The following STPG2 variants were observed in gnomAD, a reference collection of about 807,000 sequenced individuals.
The protein encoded by STPG2 is sperm tail PG-rich repeat containing 2, also known as sperm-tail PG-rich repeat-containing protein 2.
A neutral mutation model predicts 54.2 loss-of-function variants in STPG2; 56 were observed. The ratio of observed to expected loss-of-function variants is 1.03; its 90% confidence interval spans 0.83 to 1.29. STPG2 has a LOEUF of 1.29. STPG2 is among the 50% of genes most tolerant of loss of function. The pLI is 0.00. For missense variants in STPG2, 596 were observed against 544.9 expected (o/e 1.09, Z -0.93); for synonymous variants, 200 against 181.8 (o/e 1.10, Z -0.81).
chr4:98,011,670 G>A (rs571096784), intron 5 of STPG2, among the ~76,000 whole-genome samples: 18 of 152,252 alleles, frequency 1.2e-4, no homozygotes, highest in Non-Finnish European at 2.1e-4. Context: ...GCATAAGATG[G>A]TATCTCATTG....
At chr4:97,513,922 AATT>A (rs1450635326) in intron 4 of STPG2, among the ~76,000 whole-genome samples, 1 of 152,160 alleles carries the variant, frequency 6.6e-6, no homozygotes, top group Non-Finnish European at 1.5e-5. Context: ...GAATTGAGGA[AATT>A]ATTAACAGTG....
chr4:97,448,831 T>C (rs1422164931), intron 4 of STPG2, among the ~76,000 whole-genome samples: 1 of 152,154 alleles, frequency 6.6e-6, no homozygotes, highest in Non-Finnish European at 1.5e-5. Flanking sequence ...AAGAAAGAAT[T>C]TGGCAGAGTT....
chr4:97,914,249 G>GT (rs995110030), intron 8 of STPG2, among the ~76,000 whole-genome samples: 2 of 151,918 alleles, frequency 1.3e-5, no homozygotes, highest in African/African-American at 4.8e-5. Flanking sequence ...TTCTTTTAAG[G>GT]TAAACACAAC....
chr4:97,704,652 C>T (rs1560728253), intron 10 of STPG2, among the ~76,000 whole-genome samples: 1 of 152,150 alleles, frequency 6.6e-6, no homozygotes, highest in Non-Finnish European at 1.5e-5. Flanking sequence ...TGTGCCATGA[C>T]CTTTACAATT....
At chr4:97,562,292 G>A (rs1011280314) in intron 10 of STPG2, among the ~76,000 whole-genome samples, 1 of 152,136 alleles carries the variant, frequency 6.6e-6, no homozygotes, top group Non-Finnish European at 1.5e-5. Context: ...CATTGATTTT[G>A]TATCCTGAGA....
At chr4:97,565,845 T>TG (rs138972348) in intron 10 of STPG2, among the ~76,000 whole-genome samples, 71,459 of 151,790 alleles carry the variant, frequency 0.47, 17,654 homozygotes, top group South Asian at 0.63. Context: ...CTGCCGCTAC[T>TG]GGGGGGTGCC....
At chr4:97,875,322 G>A (rs550056450) in intron 8 of STPG2, among the ~76,000 whole-genome samples, 6 of 151,258 alleles carry the variant, frequency 4.0e-5, no homozygotes, top group East Asian at 1.9e-4. Flanking sequence ...ATATACTTAC[G>A]TATATTGCAA....
At chr4:97,456,314 G>T (rs1423072493) in intron 4 of STPG2, among the ~76,000 whole-genome samples, 1 of 151,988 alleles carries the variant, frequency 6.6e-6, no homozygotes, top group East Asian at 1.9e-4. Context: ...TTTTCACATG[G>T]CCAGCAGGAA....
chr4:97,878,423 T>A (rs1220706254), intron 8 of STPG2, among the ~76,000 whole-genome samples: 1 of 152,214 alleles, frequency 6.6e-6, no homozygotes, highest in Non-Finnish European at 1.5e-5. Flanking sequence ...TTCAGGAATT[T>A]CTATACATCC....
At chr4:97,765,734 A>C (rs1227643937) in intron 9 of STPG2, among the ~76,000 whole-genome samples, 2 of 152,190 alleles carry the variant, frequency 1.3e-5, no homozygotes, top group African/African-American at 2.4e-5. Flanking sequence ...ATACAAACAA[A>C]CTAATTCAGA....
At chr4:97,958,931 T>C (rs889659890) in intron 7 of STPG2, among the ~76,000 whole-genome samples, 1 of 152,158 alleles carries the variant, frequency 6.6e-6, no homozygotes, top group Non-Finnish European at 1.5e-5. Flanking sequence ...ATTCTATTCA[T>C]CAGCACATGC....
At chr4:97,488,003 T>G (rs990508405) in intron 4 of STPG2, among the ~76,000 whole-genome samples, 1 of 151,518 alleles carries the variant, frequency 6.6e-6, no homozygotes, top group African/African-American at 2.4e-5. Context: ...AAATTGCCAT[T>G]TAGAAAAAGA....
At chr4:98,065,995 TA>T (rs1233792685) in intron 5 of STPG2, among the ~76,000 whole-genome samples, 1 of 152,030 alleles carries the variant, frequency 6.6e-6, no homozygotes, top group Non-Finnish European at 1.5e-5. Flanking sequence ...TTAACATCAT[TA>T]AATTTAATAA....
intron 8 of STPG2, among the ~76,000 whole-genome samples, chr4:97,908,471 T>A (rs1731539123): frequency 1.3e-5 from 2 of 150,336 alleles, no homozygotes. Flanking sequence ...TCCTCAGGGA[T>A]CTAGAACTAG....
intron 5 of STPG2, among the ~76,000 whole-genome samples, chr4:98,019,443 G>C (rs1450061122): frequency 3.3e-5 from 5 of 151,964 alleles, no homozygotes; most frequent in Non-Finnish European, 7.4e-5. Context: ...TTTGAAGTCA[G>C]GTAGCATGAT....
At chr4:97,605,200 T>C (rs1560681959) in intron 10 of STPG2, among the ~76,000 whole-genome samples, 1 of 151,824 alleles carries the variant, frequency 6.6e-6, no homozygotes, top group African/African-American at 2.4e-5. Context: ...TTTTAGCTTT[T>C]ACAAGCATAG....
intron 8 of STPG2, among the ~76,000 whole-genome samples, chr4:97,885,097 C>T (rs564003305): frequency 2.9e-4 from 44 of 152,202 alleles, no homozygotes; most frequent in Admixed American, 7.8e-4. Context: ...ACTACAGAAA[C>T]GTAACGCTTA....
chr4:97,543,305 A>C (rs978075657), intron 4 of STPG2, among the ~76,000 whole-genome samples: 3 of 151,800 alleles, frequency 2.0e-5, no homozygotes, highest in African/African-American at 7.2e-5. Flanking sequence ...CTTATTATTA[A>C]AGAGAATAAC....
chr4:97,699,626 CT>C (rs991564751), intron 10 of STPG2, among the ~76,000 whole-genome samples: 1 of 152,210 alleles, frequency 6.6e-6, no homozygotes, highest in African/African-American at 2.4e-5. Context: ...GTTCTGCCCA[CT>C]GAGGAGAGTT....
Sources: allele counts gnomAD v4.1 joint callset (sites outside exome capture counted in the v4.1 genomes callset), GRCh38; gene constraint gnomAD v4.1.1; transcripts MANE v1.5; gene names NCBI Gene and HGNC (gene_info 2026-07-23, HGNC 2026-07-21).